The following MAOB variants were observed in gnomAD, a reference collection of about 807,000 sequenced individuals.
The protein encoded by MAOB is amine oxidase [flavin-containing] B.
Under a neutral mutation model 41.9 loss-of-function variants are expected in MAOB, and 15 were observed. The ratio of observed to expected loss-of-function variants is 0.36; its 90% confidence interval spans 0.24 to 0.55. MAOB has a LOEUF of 0.55. Among genes scored for constraint, MAOB ranks in the 20% least tolerant of loss-of-function variants. The probability of loss-of-function intolerance (pLI) is 0.86; values close to 1 mark genes in which losing one functional copy is unlikely to be tolerated. For synonymous variants in MAOB, 167 were observed against 144.2 expected, an observed-to-expected ratio of 1.16 and a Z score of -1.13; for missense variants, 345 against 398.7, an observed-to-expected ratio of 0.87 and a Z score of 1.15.
At chrX:43,823,639 C>CT (rs1264989864) in intron 3 of MAOB, among the ~76,000 whole-genome samples, 8 of 111,773 alleles carry the variant, frequency 7.2e-5, no homozygotes, top group African/African-American at 2.6e-4. Context: ...TCTTTCATAG[C>CT]TAGGAGAGAA....
chrX:43,853,267 C>CAAAAA (rs397957481), intron 1 of MAOB, among the ~76,000 whole-genome samples: 290 of 22,354 alleles, frequency 0.013, no homozygotes, highest in Non-Finnish European at 0.017. Flanking sequence ...GAGTCCGTCT[C>CAAAAA]AAAAAAAAAA....
At position 43,795,854 on chromosome X, in the gene MAOB, C is replaced by T; in HGVS notation, c.653G>A (p.Ser218Asn). Reference sequence around the variant, plus strand: ...TCCAAGGAGGTCCATTATCCGCTCACTCACTTGACCAGATCCGCCCACAAA... The same window carrying T: ...TCCAAGGAGGTCCATTATCCGCTCATTCACTTGACCAGATCCGCCCACAAA... The part of the protein sequence containing the change: ...RKFVGGSGQV[S>N]ERIMDLLGDR... Residue 218 changes from serine to asparagine, a missense_variant, in exon 7 of 15, where the codon AGT (serine) becomes AAT (asparagine). Coordinates refer to ENST00000378069, the MANE Select transcript of MAOB (RefSeq NM_000898.5). 8.3e-7 allele frequency: 1 copy of T among 1,209,781 alleles called. No homozygotes were observed. Among genetic ancestry groups the T allele is most frequent in the Non-Finnish European group, 1.1e-6 (1 of 894,377 alleles).
chrX:43,793,420 CT>C lies in MAOB; in HGVS notation c.926del (p.Lys309ArgfsTer7). 1 of 1,186,266 alleles carries C rather than the reference CT, an allele frequency of 8.4e-7. No individual in the cohort carries two copies. The highest frequency in any genetic ancestry group is 1.1e-6 in the Non-Finnish European group (1 of 882,140). ...TTTTTATATAAGGAAAGTACTCACC[CT>C]TTTTCCTCCAGAAAGGCTCTTTATA... is the stretch of plus-strand genomic sequence containing the variant. ...VYYKEPFWRK[K>X]DYCGTMIIDG... On this transcript the variant is annotated frameshift_variant and splice_region_variant, in exon 8 of 15. Transcript: ENST00000378069. LOFTEE classifies it high-confidence loss of function.
intron 1 of MAOB, among the ~76,000 whole-genome samples, chrX:43,878,300 G>A (rs1347406432): frequency 2.7e-5 from 3 of 110,613 alleles, no homozygotes; most frequent in Non-Finnish European, 5.7e-5. Flanking sequence ...GGAGTATAAT[G>A]GCATGATCAT....
chrX:43,775,952 A>T (rs978177268), intron 11 of MAOB, among the ~76,000 whole-genome samples: 16 of 112,732 alleles, frequency 1.4e-4, no homozygotes, highest in African/African-American at 5.2e-4. Context: ...TTTGTTTTAA[A>T]GGGAGATTTT....
chrX:43,796,405 C>T lies in MAOB; in HGVS notation c.619-517G>A, dbSNP rs778430513. 2.9e-3 allele frequency among the ~76,000 whole-genome samples: 319 copies of T among 111,277 alleles called. 4 individuals are homozygous for T. The highest frequency in any genetic ancestry group is 9.3e-3 in the Middle Eastern group (2 of 215). On this transcript the variant is annotated intron_variant, in intron 6 of 14. Coordinates refer to ENST00000378069, the MANE Select transcript of MAOB (RefSeq NM_000898.5). ...AGATGCCTGCTGCTTCTGTAGCCAC[C>T]GAACTCATTTCACCTCACTGTACCC...
intron 2 of MAOB, among the ~76,000 whole-genome samples, chrX:43,842,580 C>A (rs1291760793): frequency 8.9e-6 from 1 of 111,894 alleles, no homozygotes; most frequent in Non-Finnish European, 1.9e-5. Flanking sequence ...GGGAATATAT[C>A]CAAAAGAATT....
chrX:43,846,328 T>C (rs754391100), intron 1 of MAOB, among the ~76,000 whole-genome samples: 2 of 112,377 alleles, frequency 1.8e-5, no homozygotes, highest in East Asian at 5.6e-4. Context: ...CCCAATAATA[T>C]CTGATGTTAA....
At chrX:43,789,054 A>C (rs1372009853) in intron 8 of MAOB, among the ~76,000 whole-genome samples, 1 of 111,819 alleles carries the variant, frequency 8.9e-6, no homozygotes, top group African/African-American at 3.2e-5. Flanking sequence ...TACCAGATTC[A>C]TTTATGTTTC....
intron 5 of MAOB, among the ~76,000 whole-genome samples, chrX:43,798,909 A>G (rs1342311636): frequency 2.7e-5 from 3 of 111,562 alleles, no homozygotes; most frequent in Non-Finnish European, 5.6e-5. Flanking sequence ...GGAGTCTCGG[A>G]CAGTTTAGGA....
intron 1 of MAOB, among the ~76,000 whole-genome samples, chrX:43,850,907 AAT>A (rs2035246640): frequency 8.9e-6 from 1 of 112,343 alleles, no homozygotes; most frequent in East Asian, 2.8e-4. Context: ...GGTCTTTCAG[AAT>A]ATGTCTAAAA....
chrX:43,787,263 T>A (rs1182375778), intron 8 of MAOB, among the ~76,000 whole-genome samples: 1 of 111,255 alleles, frequency 9.0e-6, no homozygotes, highest in Non-Finnish European at 1.9e-5. Flanking sequence ...GCTTTTGTAA[T>A]GTAGGGGTGT....
intron 1 of MAOB, among the ~76,000 whole-genome samples, chrX:43,851,507 G>T (rs1303868980): frequency 6.3e-5 from 7 of 111,375 alleles, no homozygotes; most frequent in Non-Finnish European, 1.1e-4. Flanking sequence ...TCATTTCTTT[G>T]ATGGGGATCT....
chrX:43,825,830 G>C (rs757555979), intron 3 of MAOB, among the ~76,000 whole-genome samples: 1 of 111,834 alleles, frequency 8.9e-6, no homozygotes, highest in African/African-American at 3.3e-5. Context: ...TTAGAATTGA[G>C]AGTGTTAAAT....
At chrX:43,776,352 A>T in intron 11 of MAOB, among the ~76,000 whole-genome samples, 1 of 112,700 alleles carries the variant, frequency 8.9e-6, no homozygotes, top group Non-Finnish European at 1.9e-5. Flanking sequence ...TTCTTAGGAA[A>T]AGAGACTTTC....
intron 3 of MAOB, among the ~76,000 whole-genome samples, chrX:43,824,540 T>G (rs10481834): frequency 0.076 from 8,478 of 110,949 alleles, 638 homozygotes; most frequent in African/African-American, 0.23. Context: ...AAAATTAGCT[T>G]GGCATGGTGG....
chrX:43,813,656 C>T (rs955323320), intron 3 of MAOB, among the ~76,000 whole-genome samples: 5 of 111,812 alleles, frequency 4.5e-5, no homozygotes, highest in African/African-American at 1.6e-4. Flanking sequence ...CCCTCCTGTT[C>T]CCATGCAAGG....
intron 1 of MAOB, among the ~76,000 whole-genome samples, chrX:43,859,583 C>T (rs924206005): frequency 9.0e-6 from 1 of 111,520 alleles, no homozygotes; most frequent in African/African-American, 3.3e-5. Flanking sequence ...ATACACACAC[C>T]TTCACCTTTG....
chrX:43,869,340 A>C lies in MAOB; in HGVS notation c.46+12914T>G, dbSNP rs183889027. Reference sequence around the variant, plus strand: ...TGCTTTTCTAATCATCTTCAAGAAAAACAGCTGGGAGATAAAGGCTGCCTA... The same window carrying C: ...TGCTTTTCTAATCATCTTCAAGAAACACAGCTGGGAGATAAAGGCTGCCTA... On this transcript the variant is annotated intron_variant, in intron 1 of 14. Coordinates refer to ENST00000378069, the MANE Select transcript of MAOB (RefSeq NM_000898.5). Among the ~76,000 whole-genome samples, 400 of 111,726 alleles carry C rather than the reference A, an allele frequency of 3.6e-3. 3 individuals carry two copies. Among genetic ancestry groups the C allele is most frequent in the African/African-American group, 0.012 (383 of 30,731 alleles).
Sources: gnomAD v4.1 joint callset for allele counts (sites outside exome capture counted in the v4.1 genomes callset) on GRCh38, gnomAD v4.1.1 for gene constraint, MANE v1.5 for transcripts, NCBI Gene and HGNC (gene_info 2026-07-23, HGNC 2026-07-21) for gene names.